Variants in EPHA6 observed in about 807,000 individuals in gnomAD.
The protein encoded by EPHA6 is EPH receptor A6, also known as ephrin type-A receptor 6.
Under a neutral mutation model 112.0 loss-of-function variants are expected in EPHA6, and 50 were observed. The observed-to-expected ratio is 0.45, with a 90% confidence interval of 0.36 to 0.56. EPHA6 has a LOEUF of 0.56. Ranked by LOEUF, EPHA6 falls within the 20% of genes least tolerant of loss-of-function variation. The pLI is 0.00. For synonymous variants in EPHA6, 529 were observed against 490.7 expected (o/e 1.08, Z -1.03); for missense variants, 1,280 against 1,417.4 (o/e 0.90, Z 1.56).
intron 3 of EPHA6, among the ~76,000 whole-genome samples, chr3:97,199,286 C>T (rs1269743772): frequency 1.3e-5 from 2 of 152,076 alleles, no homozygotes; most frequent in African/African-American, 4.8e-5. Flanking sequence ...TAGGCAATTT[C>T]CTGGGCATGA....
At position 97,751,736 on chromosome 3, in the gene EPHA6, C is replaced by T. The variant is rs942720665; in HGVS notation, c.*3035C>T. On this transcript the variant is annotated 3_prime_UTR_variant, in exon 18 of 18. Transcript: ENST00000389672. ...TTATAAAAAGAAAATAAGTAACTTC[C>T]ATAAATCACAAGTCTTCAGGAATAA... 2.0e-5 allele frequency among the ~76,000 whole-genome samples: 3 copies of T among 152,022 alleles called. No homozygotes were observed. Among genetic ancestry groups the T allele is most frequent in the Non-Finnish European group, 2.9e-5 (2 of 67,938 alleles).
At chr3:97,690,864 T>A (rs947470252) in intron 14 of EPHA6, among the ~76,000 whole-genome samples, 3 of 152,242 alleles carry the variant, frequency 2.0e-5, no homozygotes, top group African/African-American at 7.2e-5. Flanking sequence ...AGATAGTATA[T>A]GATTTGTAAA....
intron 2 of EPHA6, among the ~76,000 whole-genome samples, chr3:96,976,306 G>A (rs759065345): frequency 7.2e-5 from 11 of 152,098 alleles, no homozygotes. Context: ...CATGCTTCTT[G>A]TCTGAGCCTT....
intron 11 of EPHA6, among the ~76,000 whole-genome samples, chr3:97,566,858 C>A (rs908147431): frequency 6.6e-6 from 1 of 152,148 alleles, no homozygotes; most frequent in Non-Finnish European, 1.5e-5. Context: ...GAGTAATAGT[C>A]TTTGTTCCCT....
rs996572424 is a variant in EPHA6 at position 97,308,598 on chromosome 3, C to T, written c.1606+64311C>T. 5.3e-5 allele frequency among the ~76,000 whole-genome samples: 8 copies of T among 151,866 alleles called. No homozygotes were observed. The East Asian group carries it at 1.5e-3, about 29-fold the overall frequency. The stretch of plus-strand genomic sequence containing the variant: ...TTTCAAAAATCCAACTGAAGTTTAA[C>T]ATCTGTGATATCTTCATTGTTCCAC... On this transcript the variant is annotated intron_variant, in intron 5 of 17. Coordinates refer to ENST00000389672, the MANE Select transcript of EPHA6 (RefSeq NM_001080448.3).
chr3:97,359,827 C>T (rs569962907), intron 5 of EPHA6, among the ~76,000 whole-genome samples: 119 of 152,052 alleles, frequency 7.8e-4, no homozygotes, highest in South Asian at 2.3e-3. Flanking sequence ...GCGGTGTAAA[C>T]GTAAGGTCTT....
intron 3 of EPHA6, among the ~76,000 whole-genome samples, chr3:96,994,728 T>TAGAGAGAG (rs1455826302): frequency 5.1e-5 from 4 of 78,818 alleles, no homozygotes; most frequent in South Asian, 3.1e-4. Context: ...TATATATATA[T>TAGAGAGAG]ATATAGAGAG....
chr3:97,204,983 A>T (rs556038596), intron 3 of EPHA6, among the ~76,000 whole-genome samples: 1 of 152,142 alleles, frequency 6.6e-6, no homozygotes, highest in Non-Finnish European at 1.5e-5. Flanking sequence ...TTAAAATTAC[A>T]TAGAAAAATT....
intron 1 of EPHA6, among the ~76,000 whole-genome samples, chr3:96,851,943 G>T (rs1322432569): frequency 6.6e-6 from 1 of 152,104 alleles, no homozygotes; most frequent in Non-Finnish European, 1.5e-5. Flanking sequence ...GGTAATACTG[G>T]AGAAATATCG....
intron 5 of EPHA6, among the ~76,000 whole-genome samples, chr3:97,397,922 A>G (rs2086784476): frequency 6.6e-6 from 1 of 151,592 alleles, no homozygotes; most frequent in Admixed American, 6.6e-5. Flanking sequence ...AACATATGAA[A>G]GGAATGTGCA....
At chr3:96,928,076 A>C (rs954483183) in intron 2 of EPHA6, among the ~76,000 whole-genome samples, 1 of 152,116 alleles carries the variant, frequency 6.6e-6, no homozygotes, top group African/African-American at 2.4e-5. Flanking sequence ...CATAGGGTGA[A>C]CCACCCCCAT....
At chr3:97,730,641 T>C (rs1478094289) in intron 15 of EPHA6, among the ~76,000 whole-genome samples, 1 of 152,050 alleles carries the variant, frequency 6.6e-6, no homozygotes, top group Non-Finnish European at 1.5e-5. Context: ...TCCCTGTCAG[T>C]CCTTAATTAG....
chr3:97,711,472 A>G (rs2033965880), intron 14 of EPHA6, among the ~76,000 whole-genome samples: 1 of 152,120 alleles, frequency 6.6e-6, no homozygotes, highest in African/African-American at 2.4e-5. Flanking sequence ...GAAAAGTCCC[A>G]GGATACGCCA....
intron 3 of EPHA6, among the ~76,000 whole-genome samples, chr3:97,221,810 T>A (rs879253362): frequency 2.6e-5 from 4 of 152,014 alleles, no homozygotes; most frequent in Admixed American, 2.0e-4. Flanking sequence ...CGCAGGTGGA[T>A]CACTTGAGGT....
chr3:97,627,466 AC>A (rs1353508873), intron 13 of EPHA6, among the ~76,000 whole-genome samples: 6 of 151,820 alleles, frequency 4.0e-5, no homozygotes, highest in Non-Finnish European at 7.4e-5. Flanking sequence ...TAAAGTGGAT[AC>A]CTGAGAGAAA....
At chr3:97,403,208 A>G (rs991355322) in intron 5 of EPHA6, among the ~76,000 whole-genome samples, 1 of 152,124 alleles carries the variant, frequency 6.6e-6, no homozygotes, top group African/African-American at 2.4e-5. Context: ...CAATACTAAC[A>G]TCAACAATAT....
chr3:97,101,766 A>G (rs2047409816), intron 3 of EPHA6, among the ~76,000 whole-genome samples: 1 of 152,094 alleles, frequency 6.6e-6, no homozygotes, highest in Non-Finnish European at 1.5e-5. Context: ...ATATTTACAA[A>G]ATCTTCCTGA....
chr3:97,194,136 G>A (rs995918577), intron 3 of EPHA6, among the ~76,000 whole-genome samples: 2 of 151,672 alleles, frequency 1.3e-5, no homozygotes, highest in South Asian at 4.2e-4. Context: ...TGCTTTTCTA[G>A]TTCTTTAGTT....
At chr3:96,979,513 G>A (rs895893352) in intron 2 of EPHA6, among the ~76,000 whole-genome samples, 8 of 152,126 alleles carry the variant, frequency 5.3e-5, no homozygotes, top group Admixed American at 2.0e-4. Context: ...ATAAACATAT[G>A]TGTGCATGTG....
Sources: gnomAD v4.1 joint callset for allele counts (sites outside exome capture counted in the v4.1 genomes callset) on GRCh38, gnomAD v4.1.1 for gene constraint, MANE v1.5 for transcripts, NCBI Gene and HGNC (gene_info 2026-07-23, HGNC 2026-07-21) for gene names.